Variants in ANKS1B observed in about 807,000 individuals in gnomAD.
The protein encoded by ANKS1B is ankyrin repeat and sterile alpha motif domain-containing protein 1B.
Under a neutral mutation model 148.3 loss-of-function variants are expected in ANKS1B, and 36 were observed. That is an observed-to-expected ratio of 0.24 (90% CI 0.19 to 0.32). ANKS1B has a LOEUF of 0.32. ANKS1B is among the 10% of genes least tolerant of loss of function. The pLI, the probability that ANKS1B is intolerant of heterozygous loss-of-function variation, is 1.00. For synonymous variants in ANKS1B, 542 were observed against 560.8 expected, an observed-to-expected ratio of 0.97 and a Z score of 0.47; for missense variants, 1,157 against 1,542.6, an observed-to-expected ratio of 0.75 and a Z score of 4.19.
chr12:99,729,631 T>C (rs1314565264), intron 8 of ANKS1B, among the ~76,000 whole-genome samples: 4 of 152,232 alleles, frequency 2.6e-5, no homozygotes, highest in Non-Finnish European at 5.9e-5. Flanking sequence ...TCTGTTAGTC[T>C]GATTTCTGAC....
At chr12:99,216,035 T>C (rs957500679) in intron 14 of ANKS1B, among the ~76,000 whole-genome samples, 31 of 152,176 alleles carry the variant, frequency 2.0e-4, no homozygotes, top group Admixed American at 9.8e-4. Context: ...AATTGAATCA[T>C]GAGGGCAGGA....
chr12:99,155,426 C>T (rs2075911745), intron 14 of ANKS1B, among the ~76,000 whole-genome samples: 1 of 152,022 alleles, frequency 6.6e-6, no homozygotes, highest in Non-Finnish European at 1.5e-5. Flanking sequence ...ATGGTTTCTT[C>T]CAAACAAAAG....
At chr12:99,666,810 A>ACAATCAAGC (rs2098509555) in intron 8 of ANKS1B, among the ~76,000 whole-genome samples, 1 of 151,950 alleles carries the variant, frequency 6.6e-6, no homozygotes, top group Non-Finnish European at 1.5e-5. Context: ...GTGAATTACC[A>ACAATCAAGC]CAATCAAGCC....
chr12:99,649,582 G>A, intron 9 of ANKS1B: 1 of 555,062 alleles, frequency 1.8e-6, no homozygotes, highest in Non-Finnish European at 3.2e-6. Flanking sequence ...ACACAGCACT[G>A]GCAAAAGCAG....
At chr12:99,417,563 T>A (rs1279175423) in intron 11 of ANKS1B, among the ~76,000 whole-genome samples, 1 of 152,164 alleles carries the variant, frequency 6.6e-6, no homozygotes, top group African/African-American at 2.4e-5. Flanking sequence ...AATATTAGAA[T>A]AATCTTATAT....
At chr12:99,523,949 T>A (rs2096901676) in intron 9 of ANKS1B, among the ~76,000 whole-genome samples, 1 of 152,212 alleles carries the variant, frequency 6.6e-6, no homozygotes. Flanking sequence ...AGTTTTGTAT[T>A]AGTACTATGG....
At chr12:99,188,050 C>A (rs2080111902) in intron 14 of ANKS1B, among the ~76,000 whole-genome samples, 1 of 152,104 alleles carries the variant, frequency 6.6e-6, no homozygotes, top group South Asian at 2.1e-4. Context: ...CAATCCTAGT[C>A]TCTGATAAAA....
At chr12:99,440,436 A>G (rs928431052) in intron 11 of ANKS1B, among the ~76,000 whole-genome samples, 2 of 151,760 alleles carry the variant, frequency 1.3e-5, no homozygotes, top group Non-Finnish European at 2.9e-5. Flanking sequence ...TCAAGTATTT[A>G]AGTACAAGTA....
chr12:99,439,282 TAGA>T (rs1236746344), intron 11 of ANKS1B, among the ~76,000 whole-genome samples: 1 of 151,448 alleles, frequency 6.6e-6, no homozygotes, highest in Non-Finnish European at 1.5e-5. Context: ...ACACTAACCA[TAGA>T]AGAATAAAAT....
chr12:98,908,239 C>G (rs1319731265), intron 17 of ANKS1B, among the ~76,000 whole-genome samples: 1 of 152,192 alleles, frequency 6.6e-6, no homozygotes, highest in Non-Finnish European at 1.5e-5. Context: ...CATTTTATAC[C>G]AGGCCTTGCA....
intron 12 of ANKS1B, among the ~76,000 whole-genome samples, chr12:99,395,722 C>G (rs936944499): frequency 1.3e-5 from 2 of 152,146 alleles, no homozygotes; most frequent in South Asian, 4.1e-4. Context: ...TGATGATTCA[C>G]AAGTTGAAGC....
At chr12:99,320,349 C>A (rs2085010633) in intron 12 of ANKS1B, among the ~76,000 whole-genome samples, 1 of 152,172 alleles carries the variant, frequency 6.6e-6, no homozygotes, top group Non-Finnish European at 1.5e-5. Context: ...TAGATTTGGT[C>A]TTTTCACATA....
At chr12:99,466,530 A>T (rs2096118365) in intron 10 of ANKS1B, among the ~76,000 whole-genome samples, 1 of 151,674 alleles carries the variant, frequency 6.6e-6, no homozygotes, top group Non-Finnish European at 1.5e-5. Flanking sequence ...AACAAAATTG[A>T]TAGACCGCTA....
chr12:99,520,837 C>T (rs2096868416), intron 9 of ANKS1B, among the ~76,000 whole-genome samples: 2 of 152,002 alleles, frequency 1.3e-5, no homozygotes, highest in Admixed American at 1.3e-4. Flanking sequence ...GCTCTTGTTG[C>T]CCAGGCTGAA....
intron 4 of ANKS1B, among the ~76,000 whole-genome samples, chr12:99,788,602 C>T (rs1382574280): frequency 2.0e-5 from 3 of 152,070 alleles, no homozygotes; most frequent in African/African-American, 7.2e-5. Flanking sequence ...AGTAAAGGGG[C>T]CTTTGCCTTG....
At chr12:98,992,154 A>T (rs1467474670) in intron 17 of ANKS1B, among the ~76,000 whole-genome samples, 1 of 151,914 alleles carries the variant, frequency 6.6e-6, no homozygotes, top group African/African-American at 2.4e-5. Flanking sequence ...CATTCACCAA[A>T]TTCTAGCCAC....
intron 3 of ANKS1B, among the ~76,000 whole-genome samples, chr12:99,807,194 AT>A (rs1306103845): frequency 6.6e-6 from 1 of 152,226 alleles, no homozygotes; most frequent in Admixed American, 6.5e-5. Context: ...AGTACAAATC[AT>A]TGCTTCCTTT....
chr12:99,058,231 CTTTTTT>C lies in ANKS1B; in HGVS notation c.2626-4928_2626-4923del, dbSNP rs1032294121. Reference sequence around the variant, plus strand: ...CATGCAGAAACTCTGCATGCCACATCTTTTTTTTTTTTTTTTTTTTTTAAGACAGAG... The same window carrying C: ...CATGCAGAAACTCTGCATGCCACATCTTTTTTTTTTTTTTTTAAGACAGAG... On this transcript the variant is annotated intron_variant, in intron 16 of 26. Transcript: ENST00000683438. Among the ~76,000 whole-genome samples, 5 of 124,618 alleles carry C rather than the reference CTTTTTT, an allele frequency of 4.0e-5. No homozygotes were observed. The East Asian group carries it at 1.2e-3, about 29-fold the overall frequency. The allele number at this position is 124,618 out of a possible 152,430, so 81.8% of individuals were successfully genotyped here. A position where few individuals can be genotyped will look rare whatever the true frequency, so the allele number is the denominator to read the frequency against.
intron 9 of ANKS1B, among the ~76,000 whole-genome samples, chr12:99,546,353 T>G (rs1333689420): frequency 6.6e-6 from 1 of 152,186 alleles, no homozygotes; most frequent in Non-Finnish European, 1.5e-5. Flanking sequence ...GCTTACCATT[T>G]TAAGACATTT....
Sources: gnomAD v4.1 joint callset for allele counts (sites outside exome capture counted in the v4.1 genomes callset) on GRCh38, gnomAD v4.1.1 for gene constraint, MANE v1.5 for transcripts, NCBI Gene and HGNC (gene_info 2026-07-23, HGNC 2026-07-21) for gene names.